Variants in TMEM132C observed in about 807,000 individuals in gnomAD.
The protein encoded by TMEM132C is transmembrane protein 132C.
TMEM132C carries 29 observed loss-of-function variants against 61.4 expected under a neutral mutation model. That is an observed-to-expected ratio of 0.47 (90% CI 0.35 to 0.64). The LOEUF is 0.64. Ranked by LOEUF, TMEM132C falls within the 30% of genes least tolerant of loss-of-function variation. TMEM132C has a pLI of 0.00. For synonymous variants in TMEM132C, 656 were observed against 633.1 expected (o/e 1.04, Z -0.54); for missense variants, 1,408 against 1,476.9 (o/e 0.95, Z 0.76).
Position 128,361,389 on chromosome 12 carries a change from C to T in TMEM132C, c.86-53343C>T, listed in dbSNP as rs570755385. Among the ~76,000 whole-genome samples the T allele has an allele frequency of 4.6e-5, 7 of 152,220 alleles. No homozygotes were observed. In the East Asian group the frequency reaches 9.7e-4, roughly 21 times the overall value. On this transcript the variant is annotated intron_variant, in intron 1 of 8. Coordinates refer to ENST00000435159, the MANE Select transcript of TMEM132C (RefSeq NM_001136103.3). ...GCCAGAAGCTCCAAGGATGTCTTTT[C>T]GTCTATGTGGGGAATCTCAAATTTG...
chr12:128,518,186 T>C lies in TMEM132C; in HGVS notation c.975-25771T>C, dbSNP rs182357715. On this transcript the variant is annotated intron_variant, in intron 2 of 8. Transcript: ENST00000435159. ...GCCCTGGTGGATAAAGCTTGCATTT[T>C]CTGGGCCACTGATTTATTTGTGCAG... 5.1e-3 allele frequency among the ~76,000 whole-genome samples: 776 copies of C among 152,346 alleles called. 6 individuals are homozygous for C. The highest frequency in any genetic ancestry group is 0.018 in the African/African-American group (753 of 41,588).
chr12:128,511,563 G>T (rs983583500), intron 2 of TMEM132C, among the ~76,000 whole-genome samples: 1 of 152,208 alleles, frequency 6.6e-6, no homozygotes, highest in Non-Finnish European at 1.5e-5. Flanking sequence ...CAGGGCTTCT[G>T]GGTGTCTTGC....
At chr12:128,380,915 A>G (rs965617895) in intron 1 of TMEM132C, among the ~76,000 whole-genome samples, 1 of 152,174 alleles carries the variant, frequency 6.6e-6, no homozygotes, top group African/African-American at 2.4e-5. Context: ...CTCATGGCCA[A>G]CTGCACCGTA....
At chr12:128,368,185 A>G (rs1873926104) in intron 1 of TMEM132C, among the ~76,000 whole-genome samples, 1 of 152,238 alleles carries the variant, frequency 6.6e-6, no homozygotes, top group South Asian at 2.1e-4. Context: ...CCCACTAGCT[A>G]GGAGCTTTTA....
At chr12:128,492,470 G>A (rs865959420) in intron 2 of TMEM132C, among the ~76,000 whole-genome samples, 11 of 152,174 alleles carry the variant, frequency 7.2e-5, no homozygotes, top group Admixed American at 2.0e-4. Context: ...CCCACCAACC[G>A]TGTAAAAGTG....
intron 2 of TMEM132C, among the ~76,000 whole-genome samples, chr12:128,493,499 A>C (rs1479829449): frequency 2.0e-5 from 3 of 152,160 alleles, no homozygotes; most frequent in African/African-American, 7.2e-5. Flanking sequence ...ATGTTCTTCC[A>C]TTTGTTTGTA....
At chr12:128,480,979 C>T (rs1432985193) in intron 2 of TMEM132C, among the ~76,000 whole-genome samples, 3 of 152,170 alleles carry the variant, frequency 2.0e-5, no homozygotes, top group Non-Finnish European at 4.4e-5. Flanking sequence ...GGGTCCAGCT[C>T]CTTGCACTGT....
chr12:128,577,405 C>T (rs920529678), intron 3 of TMEM132C, among the ~76,000 whole-genome samples: 3 of 152,164 alleles, frequency 2.0e-5, no homozygotes, highest in African/African-American at 7.2e-5. Flanking sequence ...ATTTTGTTCC[C>T]AGAGGTTCTG....
chr12:128,297,477 C>G lies in TMEM132C; in HGVS notation c.85+29990C>G, dbSNP rs11059635. 4.6e-5 allele frequency among the ~76,000 whole-genome samples: 7 copies of G among 152,120 alleles called. No homozygotes were observed. The East Asian group carries it at 1.4e-3, about 29-fold the overall frequency. On this transcript the variant is annotated intron_variant, in intron 1 of 8. Transcript: ENST00000435159. ...ATGGCTCCGGGTCTCTAATAAGCTT[C>G]GCCCTCCTTGGGATAGTGACTGTCT...
At chr12:128,669,030 A>C (rs957404609) in intron 4 of TMEM132C, among the ~76,000 whole-genome samples, 1 of 152,196 alleles carries the variant, frequency 6.6e-6, no homozygotes, top group African/African-American at 2.4e-5. Flanking sequence ...CTTTTGCAGG[A>C]GGTGAGAGGA....
chr12:128,313,994 G>A (rs527695768), intron 1 of TMEM132C, among the ~76,000 whole-genome samples: 57 of 152,286 alleles, frequency 3.7e-4, no homozygotes, highest in African/African-American at 1.2e-3. Context: ...AGTTGTCTGA[G>A]AAGTTGATTA....
chr12:128,598,145 G>A (rs963306269), intron 3 of TMEM132C, among the ~76,000 whole-genome samples: 7 of 152,166 alleles, frequency 4.6e-5, no homozygotes, highest in East Asian at 1.9e-4. Context: ...GGCTGGGCAC[G>A]GTGGTTCATG....
intron 1 of TMEM132C, among the ~76,000 whole-genome samples, chr12:128,403,558 G>T (rs1258916490): frequency 1.3e-5 from 2 of 152,084 alleles, no homozygotes; most frequent in Non-Finnish European, 2.9e-5. Context: ...TGAAATAATG[G>T]TAATGATTAT....
intron 5 of TMEM132C, among the ~76,000 whole-genome samples, chr12:128,692,036 C>T: frequency 2.0e-5 from 3 of 148,210 alleles, no homozygotes; most frequent in African/African-American, 7.8e-5. Flanking sequence ...ATCTATCTAT[C>T]CAGCTGTCTA....
intron 5 of TMEM132C, among the ~76,000 whole-genome samples, chr12:128,676,831 C>T (rs549592131): frequency 6.6e-6 from 1 of 152,328 alleles, no homozygotes; most frequent in African/African-American, 2.4e-5. Flanking sequence ...CCTTGGAGCA[C>T]TTGGAACATG....
chr12:128,344,259 G>A (rs369240276), intron 1 of TMEM132C, among the ~76,000 whole-genome samples: 2 of 152,128 alleles, frequency 1.3e-5, no homozygotes, highest in East Asian at 1.9e-4. Flanking sequence ...CCGGGTTCAC[G>A]CCATTCTCCT....
At chr12:128,456,412 T>G in intron 2 of TMEM132C, among the ~76,000 whole-genome samples, 1 of 73,062 alleles carries the variant, frequency 1.4e-5, no homozygotes, top group African/African-American at 6.1e-5. Flanking sequence ...TTTTTTTTTT[T>G]TTTTTTTTTT....
At chr12:128,653,321 G>A (rs1250413214) in intron 4 of TMEM132C, among the ~76,000 whole-genome samples, 1 of 152,186 alleles carries the variant, frequency 6.6e-6, no homozygotes, top group East Asian at 1.9e-4. Context: ...TCTGGCATAA[G>A]GGAGGTGTTC....
chr12:128,467,448 G>A (rs779434345), intron 2 of TMEM132C, among the ~76,000 whole-genome samples: 4 of 152,164 alleles, frequency 2.6e-5, no homozygotes, highest in Non-Finnish European at 4.4e-5. Flanking sequence ...AATTAAATTG[G>A]TTTATATTTT....
Sources: gnomAD v4.1 joint callset for allele counts (sites outside exome capture counted in the v4.1 genomes callset) on GRCh38, gnomAD v4.1.1 for gene constraint, MANE v1.5 for transcripts, NCBI Gene and HGNC (gene_info 2026-07-23, HGNC 2026-07-21) for gene names.